Variants in TTN observed in about 807,000 individuals in gnomAD.
The protein encoded by TTN is connectin.
TTN carries 1,525 observed loss-of-function variants against 3,223.0 expected under a neutral mutation model. That is an observed-to-expected ratio of 0.47 (90% CI 0.45 to 0.49). The LOEUF (loss-of-function observed/expected upper bound fraction) is 0.49, where lower values mean the gene tolerates loss of function less well. TTN is among the 20% of genes least tolerant of loss of function. The pLI, the probability that TTN is intolerant of heterozygous loss-of-function variation, is 0.00. For synonymous variants in TTN, 14,094 were observed against 15,161.0 expected (o/e 0.93, Z 5.17); for missense variants, 40,786 against 43,424.0 (o/e 0.94, Z 5.40).
chr2:178,572,999 C>G lies in TTN; in HGVS notation c.73133G>C (p.Gly24378Ala). The G allele has an allele frequency of 6.2e-7, 1 of 1,613,084 alleles. No homozygotes were observed. Among genetic ancestry groups the G allele is most frequent in the Non-Finnish European group, 8.5e-7 (1 of 1,179,440 alleles). Residue 24378 changes from glycine to alanine, a missense_variant, in exon 326 of 363, where the codon GGA becomes GCA. Transcript: ENST00000589042. ...DEWQIVTPPA[G>A]LKATSYTITG... ...GATAGTATACGAAGTTGCCTTGAGT[C>G]CTGCTGGTGGAGTGACAATCTGCCA...
Position 178,552,974 on chromosome 2 carries a change from T to G in TTN, c.89926A>C (p.Thr29976Pro). The change falls in exon 335 of 363, where the codon ACC (threonine) becomes CCC (proline). Residue 29976 changes from threonine (T) to proline (P), a missense_variant. Thr to Pro is a conservative substitution (Grantham distance 38). Coordinates refer to ENST00000589042, the MANE Select transcript of TTN (RefSeq NM_001267550.2). ...INYVIEKRDATKRTWSVVSHK... is the reference protein window; with the variant it reads ...INYVIEKRDAPKRTWSVVSHK... ...GACACGACAGACCATGTTCTCTTGG[T>G]GGCATCTCTCTTTTCAATGACATAA... 2 of 1,612,814 alleles carry G rather than the reference T, an allele frequency of 1.2e-6. No individual in the cohort carries two copies. Among genetic ancestry groups the G allele is most frequent in the Non-Finnish European group, 1.7e-6 (2 of 1,179,790 alleles).
At position 178,684,922 on chromosome 2, in the gene TTN, CT is replaced by C; in HGVS notation, c.32537del (p.Lys10846ArgfsTer35). 6.2e-7 allele frequency: 1 copy of C among 1,608,146 alleles called. No homozygotes were observed. Among genetic ancestry groups the C allele is most frequent in the Non-Finnish European group, 8.5e-7 (1 of 1,176,914 alleles). ...CCAATATACCTTTAGGTGGGGGCAC[CT>C]TTTCCTTTTTAGGAACTGGAGCAGG... Reference protein sequence around the residue: ...KVPAPVPKKEKVPPPKVPEEP... With the variant: ...KVPAPVPKKEXVPPPKVPEEP... On this transcript the variant is annotated frameshift_variant, in exon 130 of 363. Transcript: ENST00000589042. LOFTEE classifies it high-confidence loss of function.
At chr2:178,733,936 C>A in intron 52 of TTN, 44 bp from the exon 53 acceptor site, 1 of 1,502,804 alleles carries the variant, frequency 6.7e-7, no homozygotes, top group Non-Finnish European at 8.9e-7. Context: ...AATTCCCAAA[C>A]ACTTTCAACA....
intron 64 of TTN, 26 bp downstream of exon 64, chr2:178,729,262 G>T: frequency 1.3e-6 from 2 of 1,564,574 alleles, no homozygotes; most frequent in South Asian, 1.2e-5. Context: ...ATTTTTATTT[G>T]ATAGGCTGCT....
intron 46 of TTN, among the ~76,000 whole-genome samples, chr2:178,754,673 T>C (rs74805196): frequency 0.11 from 16,158 of 152,092 alleles, 1,325 homozygotes; most frequent in Admixed American, 0.28. Flanking sequence ...AAATAGTGAC[T>C]CTGTGTGATT....
At position 178,717,705 on chromosome 2, in the gene TTN, T is replaced by A; in HGVS notation, c.25169A>T (p.Gln8390Leu). 6.2e-7 allele frequency: 1 copy of A among 1,613,470 alleles called. No homozygotes were observed. The highest frequency in any genetic ancestry group is 8.5e-7 in the Non-Finnish European group (1 of 1,179,612). ...AACCCCATCCTTGTACCAAGACACT[T>A]GAAGAGGTTCTGAGCCATTGATGCG... ...ECRINGSEPL[Q>L]VSWYKDGVLL... The change falls in exon 87 of 363, where the codon CAA becomes CTA. Residue 8390 changes from glutamine (Q) to leucine (L), a missense_variant. Coordinates refer to ENST00000589042, the MANE Select transcript of TTN (RefSeq NM_001267550.2).
rs748445315 is a variant in TTN at position 178,609,279 on chromosome 2, T to C, written c.52031A>G (p.His17344Arg). 2.2e-5 allele frequency: 35 copies of C among 1,583,918 alleles called. No homozygotes were observed. Among genetic ancestry groups the C allele is most frequent in the Non-Finnish European group, 2.9e-5 (34 of 1,166,248 alleles). The change falls in exon 273 of 363, where the codon CAT becomes CGT. Residue 17344 changes from histidine to arginine, a missense_variant. Physicochemically the swap from His to Arg is conservative, Grantham distance 29 (BLOSUM62 0). Transcript: ENST00000589042. ...LRVRDSLRPD[H>R]GLYMIKVEND... ...TTCAACTTTGATCATATACAGACCA[T>C]GGTCAGGTCGGAGAGAATCTCGGAC...
chr2:178,763,272 C>T (rs1164106043), intron 43 of TTN, among the ~76,000 whole-genome samples: 1 of 152,196 alleles, frequency 6.6e-6, no homozygotes, highest in Non-Finnish European at 1.5e-5. Flanking sequence ...GCTGGTGGTA[C>T]TTGAGAAGCA....
chr2:178,776,009 T>C lies in TTN; in HGVS notation c.5855A>G (p.His1952Arg), dbSNP rs572691153. 2.3e-5 allele frequency: 37 copies of C among 1,614,202 alleles called. No individual in the cohort carries two copies. In the South Asian group the frequency reaches 3.6e-4, roughly 16 times the overall value. Reference protein sequence around the residue: ...APEPRPEFHVHEPGKLQFEVQ... With the variant: ...APEPRPEFHVREPGKLQFEVQ... ...TTCAAACTGAAGCTTTCCTGGTTCA[T>C]GTACGTGAAACTCAGGCCTTGGTTC... is the stretch of plus-strand genomic sequence containing the variant. Residue 1952 changes from histidine (H) to arginine (R), a missense_variant, in exon 28 of 363, where the codon CAT (histidine) becomes CGT (arginine). Transcript: ENST00000589042.
rs189626540 is a variant in TTN, at chr2:178,536,350, C to G, written c.100397G>C (p.Arg33466Pro). 1 of 1,613,728 alleles carries G rather than the reference C, an allele frequency of 6.2e-7. No homozygotes were observed. The highest frequency in any genetic ancestry group is 1.7e-5 in the Admixed American group (1 of 60,006). ...CCCACCTAGATTTTCACATTTCACA[C>G]GAAACTCGTATTCAAGACCTTCAAT... ...NLIEGLEYEF[R>P]VKCENLGGES... The change falls in exon 357 of 363, where the codon CGT becomes CCT. Residue 33466 changes from arginine (R) to proline (P), a missense_variant. Arg to Pro is a moderately radical substitution (Grantham distance 103). Coordinates refer to ENST00000589042, the MANE Select transcript of TTN (RefSeq NM_001267550.2).
rs375770526 is a variant in TTN at position 178,652,084 on chromosome 2, T to C, written c.39295+12A>G. 6 of 1,613,132 alleles carry C rather than the reference T, an allele frequency of 3.7e-6. No individual in the cohort carries two copies. Among genetic ancestry groups the C allele is most frequent in the Non-Finnish European group, 5.1e-6 (6 of 1,179,678 alleles). On this transcript the variant is annotated intron_variant, in intron 204 of 362. Transcript: ENST00000589042. ...TTTTAAAAAACACTAATTTGAATAG[T>C]TTCATTATTACCTTCAGGGGGAGGA...
chr2:178,741,010 C>CAAACG lies in TTN; in HGVS notation c.12218_12222dup (p.Val4075ArgfsTer3). On this transcript the variant is annotated frameshift_variant, in exon 48 of 363. Transcript: ENST00000589042. LOFTEE classifies it high-confidence loss of function. ...GCAGCTTTCAAAATGGTGTCTTTTA[C>CAAACG]AAACGTTGCAATTTCCTGCTCTGAG... 6.2e-7 allele frequency: 1 copy of CAAACG among 1,613,906 alleles called. No individual in the cohort carries two copies.
In TTN at chr2:178,723,412, G is replaced by A. The variant is rs2078776756; in HGVS notation, c.21682+6C>T. The A allele has an allele frequency of 6.2e-7, 1 of 1,609,210 alleles. No homozygotes were observed. The highest frequency in any genetic ancestry group is 8.5e-7 in the Non-Finnish European group (1 of 1,177,248). On this transcript the variant is annotated splice_donor_region_variant and intron_variant, in intron 74 of 362. Coordinates refer to ENST00000589042, the MANE Select transcript of TTN (RefSeq NM_001267550.2). ...AAACAGAAAAAGTGAATCCACTTGA[G>A]CAAACCTTTCACAAAGAGACGGGTA...
chr2:178,689,614 G>T lies in TTN; in HGVS notation c.31847-19C>A. The stretch of plus-strand genomic sequence containing the variant: ...TCAGGAACTTGAAGAGACATTTTTA[G>T]AATTGACTTTATATTTTCTAAAGTA... On this transcript the variant is annotated intron_variant, in intron 122 of 362. Coordinates refer to ENST00000589042, the MANE Select transcript of TTN (RefSeq NM_001267550.2). 6.3e-7 allele frequency: 1 copy of T among 1,580,412 alleles called. No homozygotes were observed.
rs770089017 is a variant in TTN, at chr2:178,605,295, A to C, written c.53882T>G (p.Val17961Gly). ...PLNVVIQDDE[V>G]PPTIKLRLSV... ...CAGACGCAACTTAATAGTTGGAGGC[A>C]CTGCAAAGAGAAGAGAAAGAAAAAC... Residue 17961 changes from valine to glycine, a missense_variant and splice_region_variant, in exon 280 of 363, where the codon GTG (valine) becomes GGG (glycine). Coordinates refer to ENST00000589042, the MANE Select transcript of TTN (RefSeq NM_001267550.2). 1 of 1,565,756 alleles carries C rather than the reference A, an allele frequency of 6.4e-7. No homozygotes were observed. The highest frequency in any genetic ancestry group is 2.3e-5 in the East Asian group (1 of 44,046).
intron 47 of TTN, chr2:178,748,946 G>C (rs2084526600): frequency 6.2e-7 from 1 of 1,612,276 alleles, no homozygotes; most frequent in South Asian, 1.1e-5. Context: ...CTTTTGAGGA[G>C]GATTAACAAT....
At chr2:178,627,230 A>G (rs2059179714) in intron 240 of TTN, among the ~76,000 whole-genome samples, 1 of 151,998 alleles carries the variant, frequency 6.6e-6, no homozygotes, top group Admixed American at 6.6e-5. Context: ...TTAAACTGAC[A>G]GCCAAAAACA....
At position 178,763,732 on chromosome 2, in the gene TTN, C is replaced by T. The variant is rs560216445; in HGVS notation, c.10114+445G>A. ...TTTGACCACTATAGGATATTGTCTT[C>T]CAAAGGATACCTTTCACACAAGCAT... On this transcript the variant is annotated intron_variant, in intron 43 of 362. Transcript: ENST00000589042. 5.9e-5 allele frequency among the ~76,000 whole-genome samples: 9 copies of T among 152,228 alleles called. No homozygotes were observed. In the South Asian group the frequency reaches 1.9e-3, roughly 32 times the overall value.
At position 178,697,137 on chromosome 2, in the gene TTN, G is replaced by A; in HGVS notation, c.30786C>T (p.Thr10262=). 3 of 1,552,974 alleles carry A rather than the reference G, an allele frequency of 1.9e-6. No homozygotes were observed. The highest frequency in any genetic ancestry group is 2.6e-6 in the Non-Finnish European group (3 of 1,148,138). ...EIVKKPPPPT[T]LIPAKAPEII... ...TTTATTTACCTTTTGCTGGAATTAA[G>A]GTAGTAGGAGGTGGAGGCTTCTTGA... Residue 10262 remains threonine, a synonymous_variant, in exon 113 of 363, where the codon ACC becomes ACT. Transcript: ENST00000589042.
Sources: allele counts gnomAD v4.1 joint callset (sites outside exome capture counted in the v4.1 genomes callset), GRCh38; gene constraint gnomAD v4.1.1; transcripts MANE v1.5; gene names NCBI Gene and HGNC (gene_info 2026-07-23, HGNC 2026-07-21).